EPHA7: variants seen among roughly 807,000 people sequenced by gnomAD.
The protein encoded by EPHA7 is EPH receptor A7.
In EPHA7, 25 loss-of-function variants were observed where a neutral mutation model predicts 112.6. That is an observed-to-expected ratio of 0.22 (90% CI 0.16 to 0.31). The LOEUF is 0.31. Ranked by LOEUF, EPHA7 falls within the 10% of genes least tolerant of loss-of-function variation. EPHA7 has a pLI of 1.00. For synonymous variants in EPHA7, 437 were observed against 406.5 expected, an observed-to-expected ratio of 1.07 and a Z score of -0.90; for missense variants, 962 against 1,212.6, an observed-to-expected ratio of 0.79 and a Z score of 3.07.
chr6:93,308,569 A>G (rs1420867705), intron 5 of EPHA7, among the ~76,000 whole-genome samples: 1 of 152,090 alleles, frequency 6.6e-6, no homozygotes, highest in Non-Finnish European at 1.5e-5. Flanking sequence ...CATCTTACTT[A>G]CGTGTTTATT....
At chr6:93,414,232 G>C (rs1484108327) in intron 2 of EPHA7, among the ~76,000 whole-genome samples, 1 of 151,858 alleles carries the variant, frequency 6.6e-6, no homozygotes, top group East Asian at 1.9e-4. Flanking sequence ...ATACCAAAAT[G>C]TTGAACATAG....
Position 93,335,878 on chromosome 6 carries a change from C to T in EPHA7, c.1324+20839G>A, listed in dbSNP as rs1374009887. ...TTCAAATCACACATAGTGAAATTAT[C>T]TAATTCATTTCTTGATATAATCCAG... On this transcript the variant is annotated intron_variant, in intron 5 of 16. Transcript: ENST00000369303. Among the ~76,000 whole-genome samples the T allele has an allele frequency of 2.6e-5, 4 of 151,994 alleles. No individual in the cohort carries two copies. The South Asian group carries it at 6.2e-4, about 24-fold the overall frequency.
chr6:93,305,706 T>C (rs1365654772), intron 5 of EPHA7, among the ~76,000 whole-genome samples: 2 of 151,924 alleles, frequency 1.3e-5, no homozygotes, highest in South Asian at 4.1e-4. Context: ...ATGAAAACCA[T>C]AAGTAATTAA....
chr6:93,349,589 T>C (rs1775585604), intron 5 of EPHA7, among the ~76,000 whole-genome samples: 1 of 151,926 alleles, frequency 6.6e-6, no homozygotes, highest in Non-Finnish European at 1.5e-5. Flanking sequence ...ATTTTTAACC[T>C]AGTGATAAAA....
At chr6:93,312,022 A>C (rs1055335387) in intron 5 of EPHA7, among the ~76,000 whole-genome samples, 4 of 152,160 alleles carry the variant, frequency 2.6e-5, no homozygotes, top group Non-Finnish European at 5.9e-5. Flanking sequence ...CCATGCTGTA[A>C]ACATATGTGC....
At position 93,323,711 on chromosome 6, in the gene EPHA7, G is replaced by T. The variant is rs967148442; in HGVS notation, c.1324+33006C>A. On this transcript the variant is annotated intron_variant, in intron 5 of 16. Transcript: ENST00000369303. ...AAATGAAAGGACTCTACCCTTAACT[G>T]ATCATACTGGCTTTCATACAGTGCT... Among the ~76,000 whole-genome samples the T allele has an allele frequency of 4.0e-5, 6 of 151,392 alleles. No individual in the cohort carries two copies. The Admixed American group carries it at 4.0e-4, about 10-fold the overall frequency.
chr6:93,408,673 T>A (rs1308914686), intron 3 of EPHA7, among the ~76,000 whole-genome samples: 2 of 152,102 alleles, frequency 1.3e-5, no homozygotes, highest in Non-Finnish European at 2.9e-5. Flanking sequence ...CTGGTGAAGA[T>A]GATAATTGAG....
At chr6:93,357,434 A>G (rs563624885) in intron 4 of EPHA7, among the ~76,000 whole-genome samples, 2 of 152,326 alleles carry the variant, frequency 1.3e-5, no homozygotes, top group African/African-American at 4.8e-5. Flanking sequence ...TTTTAACCAC[A>G]TAACAGGGAA....
chr6:93,282,690 G>A (rs200562915), intron 5 of EPHA7, among the ~76,000 whole-genome samples: 1 of 152,168 alleles, frequency 6.6e-6, no homozygotes, highest in Non-Finnish European at 1.5e-5. Flanking sequence ...CAGCGCTTGC[G>A]GGCCAGCGCG....
At chr6:93,359,404 TTCA>T (rs1776128145) in intron 3 of EPHA7, among the ~76,000 whole-genome samples, 1 of 151,134 alleles carries the variant, frequency 6.6e-6, no homozygotes, top group Admixed American at 6.6e-5. Flanking sequence ...CAATCTATTC[TTCA>T]TATTTATTAA....
chr6:93,308,975 G>T (rs943834888), intron 5 of EPHA7, among the ~76,000 whole-genome samples: 38 of 150,240 alleles, frequency 2.5e-4, no homozygotes, highest in African/African-American at 9.1e-4. Context: ...AAACTACAGA[G>T]TCTTGCTCTG....
At chr6:93,319,928 A>G (rs1032484956) in intron 5 of EPHA7, among the ~76,000 whole-genome samples, 4 of 152,118 alleles carry the variant, frequency 2.6e-5, no homozygotes, top group African/African-American at 7.2e-5. Flanking sequence ...TTGATTTTAT[A>G]TATCTTTTCA....
rs2127846837 is a variant in EPHA7, at chr6:93,246,798, C to T, written c.2720G>A (p.Cys907Tyr). 1.2e-6 allele frequency: 2 copies of T among 1,601,584 alleles called. No individual in the cohort carries two copies. The highest frequency in any genetic ancestry group is 1.7e-6 in the Non-Finnish European group (2 of 1,169,492). Residue 907 changes from cysteine to tyrosine, a missense_variant, in exon 15 of 17, where the codon TGT becomes TAT. By Grantham distance (194) the Cys-to-Tyr change is radical. This residue lies in a region of EPHA7 where 746 missense variants were observed against 889.2 expected (regional missense o/e 0.84). Coordinates refer to ENST00000369303, the MANE Select transcript of EPHA7 (RefSeq NM_004440.4). ...TCCCTTAGGCATTTCTTACCTACTA[C>T]AAGTTCCCAGGGGAGTTTTCAGACT... is the stretch of plus-strand genomic sequence containing the variant. The part of the protein sequence containing the change: ...PNSLKTPLGT[C>Y]SRPISPLLDQ...
At chr6:93,285,934 G>A (rs370388685) in intron 5 of EPHA7, among the ~76,000 whole-genome samples, 2 of 152,060 alleles carry the variant, frequency 1.3e-5, no homozygotes, top group Admixed American at 6.5e-5. Flanking sequence ...GGAACACAGC[G>A]GCACCCTTTT....
At chr6:93,310,148 G>T (rs1017305676) in intron 5 of EPHA7, among the ~76,000 whole-genome samples, 1 of 152,226 alleles carries the variant, frequency 6.6e-6, no homozygotes, top group Non-Finnish European at 1.5e-5. Flanking sequence ...GGTGCTAAAA[G>T]GTTTTGGAAT....
chr6:93,284,305 T>C (rs565042203), intron 5 of EPHA7, among the ~76,000 whole-genome samples: 1 of 151,080 alleles, frequency 6.6e-6, no homozygotes, highest in East Asian at 1.9e-4. Flanking sequence ...TCCTCGTTAG[T>C]GGCTTTGCTC....
chr6:93,349,397 G>T (rs767923314), intron 5 of EPHA7, among the ~76,000 whole-genome samples: 1 of 151,798 alleles, frequency 6.6e-6, no homozygotes, highest in Non-Finnish European at 1.5e-5. Flanking sequence ...TGCACTTTCG[G>T]ATACCTCAGG....
chr6:93,280,893 T>G (rs989940257), intron 5 of EPHA7, among the ~76,000 whole-genome samples: 14 of 152,146 alleles, frequency 9.2e-5, no homozygotes, highest in Admixed American at 7.2e-4. Flanking sequence ...TCCAGAATAC[T>G]CTGATTCTAA....
intron 5 of EPHA7, among the ~76,000 whole-genome samples, chr6:93,327,707 T>C (rs1286887050): frequency 6.6e-6 from 1 of 151,432 alleles, no homozygotes; most frequent in East Asian, 1.9e-4. Context: ...GTATTCAAAA[T>C]GGATTCAGAA....
Sources: gnomAD v4.1 joint callset for allele counts (sites outside exome capture counted in the v4.1 genomes callset) on GRCh38, gnomAD v4.1.1 for gene constraint, gnomAD v4.1.1 regional missense constraint, MANE v1.5 for transcripts, NCBI Gene and HGNC (gene_info 2026-07-23, HGNC 2026-07-21) for gene names.